Variants in RPS6KC1 observed in about 807,000 individuals in gnomAD.
RPS6KC1 encodes the protein ribosomal protein S6 kinase C1.
Under a neutral mutation model 103.8 loss-of-function variants are expected in RPS6KC1, and 54 were observed. The ratio of observed to expected loss-of-function variants is 0.52; its 90% CI spans 0.42 to 0.65. The LOEUF (loss-of-function observed/expected upper bound fraction) is 0.65. Among genes scored for constraint, RPS6KC1 ranks in the 30% least tolerant of loss-of-function variants. The probability of loss-of-function intolerance (pLI) is 0.00; values close to 1 mark genes in which losing one functional copy is unlikely to be tolerated. For synonymous variants in RPS6KC1, 439 were observed against 438.7 expected, an observed-to-expected ratio of 1.00 and a Z score of -0.01; for missense variants, 1,151 against 1,253.8, an observed-to-expected ratio of 0.92 and a Z score of 1.24.
At chr1:213,397,479 C>G in the RPS6KC1 span, among the ~76,000 whole-genome samples, 1 of 151,780 alleles carries the variant, frequency 6.6e-6, no homozygotes, top group Non-Finnish European at 1.5e-5. Flanking sequence ...TTGCCAGTAG[C>G]TTGCATTCCA....
chr1:213,193,086 T>A (rs1291124279), intron 8 of RPS6KC1, among the ~76,000 whole-genome samples: 2 of 151,972 alleles, frequency 1.3e-5, no homozygotes, highest in Non-Finnish European at 2.9e-5. Flanking sequence ...TTTTTTTTTT[T>A]AACTGTTTTG....
intron 2 of RPS6KC1, among the ~76,000 whole-genome samples, chr1:213,076,698 T>C (rs1309571198): frequency 1.3e-5 from 2 of 152,064 alleles, no homozygotes; most frequent in Non-Finnish European, 2.9e-5. Context: ...TTACATGTCG[T>C]CTAATCTAGA....
the RPS6KC1 span, among the ~76,000 whole-genome samples, chr1:213,385,509 TG>T: frequency 6.6e-6 from 1 of 152,184 alleles, no homozygotes; most frequent in Non-Finnish European, 1.5e-5. Flanking sequence ...ATTGACGTGG[TG>T]GAGGATGTTA....
chr1:213,286,091 TGAAA>T, the RPS6KC1 span, among the ~76,000 whole-genome samples: 1 of 152,220 alleles, frequency 6.6e-6, no homozygotes, highest in Non-Finnish European at 1.5e-5. Context: ...AGAACCAGAA[TGAAA>T]GAGTCTGATG....
intron 14 of RPS6KC1, among the ~76,000 whole-genome samples, chr1:213,268,378 G>A (rs966045530): frequency 5.3e-5 from 8 of 151,730 alleles, no homozygotes; most frequent in Admixed American, 3.3e-4. Context: ...AGAAAGACTG[G>A]GAGGATTTAT....
the RPS6KC1 span, among the ~76,000 whole-genome samples, chr1:213,329,245 G>A: frequency 1.7e-4 from 26 of 152,234 alleles, 1 homozygote; most frequent in East Asian, 5.0e-3. Context: ...TCTCCCAACG[G>A]CCTTGATCCC....
chr1:213,815,553 A>G, the RPS6KC1 span, among the ~76,000 whole-genome samples: 4 of 152,114 alleles, frequency 2.6e-5, no homozygotes, highest in South Asian at 8.3e-4. Flanking sequence ...ATAGGAGTTC[A>G]ATATAGATCT....
intron 9 of RPS6KC1, 115 bp from the exon 10 acceptor site, chr1:213,232,008 A>G (rs2094114831): frequency 7.6e-7 from 1 of 1,323,054 alleles, no homozygotes; most frequent in African/African-American, 1.5e-5. Context: ...GGTTTCTCTG[A>G]AGCCCAGAGT....
chr1:213,307,338 G>C, the RPS6KC1 span, among the ~76,000 whole-genome samples: 1 of 151,840 alleles, frequency 6.6e-6, no homozygotes, highest in Admixed American at 6.6e-5. Context: ...AGCGTGAGTC[G>C]CCGCGCCTGG....
At chr1:213,255,305 G>A (rs2094617022) in intron 12 of RPS6KC1, among the ~76,000 whole-genome samples, 1 of 150,308 alleles carries the variant, frequency 6.7e-6, no homozygotes, top group African/African-American at 2.5e-5. Context: ...CAGCCTAGGT[G>A]ACAGGATGAG....
At chr1:213,058,085 T>TTTA (rs2077503900) in intron 1 of RPS6KC1, among the ~76,000 whole-genome samples, 2 of 143,274 alleles carry the variant, frequency 1.4e-5, no homozygotes, top group African/African-American at 5.4e-5. Context: ...TTTTTTTTTT[T>TTTA]AGAGATGGGG....
chr1:213,630,397 A>G, the RPS6KC1 span, among the ~76,000 whole-genome samples: 3 of 151,990 alleles, frequency 2.0e-5, no homozygotes, highest in Non-Finnish European at 4.4e-5. Flanking sequence ...TGCATTCGTC[A>G]TGTAGTTCTT....
chr1:213,545,633 A>G, the RPS6KC1 span, among the ~76,000 whole-genome samples: 1 of 151,972 alleles, frequency 6.6e-6, no homozygotes, highest in Non-Finnish European at 1.5e-5. Flanking sequence ...ACCTCTGCAA[A>G]GACCTTATCT....
At chr1:213,432,467 A>C in the RPS6KC1 span, among the ~76,000 whole-genome samples, 1 of 152,222 alleles carries the variant, frequency 6.6e-6, no homozygotes, top group Admixed American at 6.5e-5. Context: ...TAACAGTTTT[A>C]TTGGAGTGTA....
chr1:213,547,502 GA>G, the RPS6KC1 span, among the ~76,000 whole-genome samples: 1 of 152,164 alleles, frequency 6.6e-6, no homozygotes, highest in Non-Finnish European at 1.5e-5. Flanking sequence ...ATAACAAAAA[GA>G]ACCGCTTCTA....
chr1:213,122,583 T>G lies in RPS6KC1; in HGVS notation c.472+5173T>G, dbSNP rs552891424. Reference sequence around the variant, plus strand: ...GTGAGATGACAAAATACAGAAAGTATTAAATATTAATTTAAATGTAAATTT... The same window carrying G: ...GTGAGATGACAAAATACAGAAAGTAGTAAATATTAATTTAAATGTAAATTT... On this transcript the variant is annotated intron_variant, in intron 5 of 14. Coordinates refer to ENST00000366960, the MANE Select transcript of RPS6KC1 (RefSeq NM_012424.6). Among the ~76,000 whole-genome samples the G allele has an allele frequency of 2.0e-5, 3 of 152,290 alleles. No homozygotes were observed. In the South Asian group the frequency reaches 6.2e-4, roughly 32 times the overall value.
chr1:213,119,451 TA>T, intron 5 of RPS6KC1, among the ~76,000 whole-genome samples: 1 of 3,664 alleles, frequency 2.7e-4, no homozygotes, highest in African/African-American at 9.4e-4. Flanking sequence ...TATATATATA[TA>T]TATATATATA....
the RPS6KC1 span, among the ~76,000 whole-genome samples, chr1:213,756,177 T>C: frequency 3.3e-5 from 5 of 152,216 alleles, no homozygotes; most frequent in African/African-American, 9.6e-5. Context: ...CTCCTCCTGA[T>C]GTCATCATGC....
chr1:213,722,391 T>G, the RPS6KC1 span, among the ~76,000 whole-genome samples: 1 of 152,156 alleles, frequency 6.6e-6, no homozygotes, highest in Non-Finnish European at 1.5e-5. Context: ...GTCCTGATAC[T>G]GTGATGTTAC....
Sources: allele counts gnomAD v4.1 joint callset (sites outside exome capture counted in the v4.1 genomes callset), GRCh38; gene constraint gnomAD v4.1.1; transcripts MANE v1.5; gene names NCBI Gene and HGNC (gene_info 2026-07-23, HGNC 2026-07-21).